Variants in CEP112 observed in about 807,000 individuals in gnomAD.
CEP112 encodes the protein centrosomal protein of 112 kDa.
In CEP112, 127 loss-of-function variants were observed where a neutral mutation model predicts 153.0. The ratio of observed to expected loss-of-function variants is 0.83; its 90% CI spans 0.72 to 0.96. The LOEUF is 0.96. CEP112 is among the 40% of genes least tolerant of loss of function. CEP112 has a pLI of 0.00. For synonymous variants in CEP112, 358 were observed against 374.4 expected (o/e 0.96, Z 0.51); for missense variants, 1,089 against 1,101.2 (o/e 0.99, Z 0.16).
intron 20 of CEP112, among the ~76,000 whole-genome samples, chr17:65,875,171 G>T (rs1367346113): frequency 6.6e-6 from 1 of 151,888 alleles, no homozygotes; most frequent in Non-Finnish European, 1.5e-5. Flanking sequence ...AAAAAAAATT[G>T]ATGATGAATT....
intron 21 of CEP112, among the ~76,000 whole-genome samples, chr17:65,795,608 T>TGC (rs1369003749): frequency 6.6e-6 from 1 of 151,986 alleles, no homozygotes; most frequent in Non-Finnish European, 1.5e-5. Context: ...GGTCAGGAGT[T>TGC]CAAGACCAGC....
intron 17 of CEP112, among the ~76,000 whole-genome samples, chr17:65,985,524 A>G (rs2063376530): frequency 6.6e-6 from 1 of 152,218 alleles, no homozygotes; most frequent in Non-Finnish European, 1.5e-5. Context: ...TATACACTCC[A>G]TGAACAAATG....
At chr17:66,084,261 CAAAAG>C (rs965160526) in intron 8 of CEP112, among the ~76,000 whole-genome samples, 9 of 151,926 alleles carry the variant, frequency 5.9e-5, no homozygotes, top group Non-Finnish European at 1.2e-4. Context: ...GGAGGTTCCT[CAAAAG>C]AAAATAAAAA....
Position 66,029,990 on chromosome 17 carries a change from G to A in CEP112, c.1252C>T (p.Gln418Ter), listed in dbSNP as rs770424214. Reference sequence around the variant, plus strand: ...TTCTCTGCTTCTCCAGTCAGCTGCTGGACACGGGCCTCCAGTTCTTTGATC... The same window carrying A: ...TTCTCTGCTTCTCCAGTCAGCTGCTAGACACGGGCCTCCAGTTCTTTGATC... Reference protein sequence around the residue: ...HMIKELEARVQQLTGEAENSN... With the variant: ...HMIKELEARV The change falls in exon 13 of 27, where the codon CAG (glutamine) becomes TAG (stop). Residue 418 changes from glutamine (Q) to a stop codon, truncating the protein, a stop_gained. Coordinates refer to ENST00000535342, the MANE Select transcript of CEP112 (RefSeq NM_001199165.4). LOFTEE classifies it high-confidence loss of function. 7 of 1,613,604 alleles carry A rather than the reference G, an allele frequency of 4.3e-6. No homozygotes were observed. The Middle Eastern group carries it at 5.0e-4, about 114-fold the overall frequency.
At chr17:66,005,009 C>T (rs577203285) in intron 17 of CEP112, among the ~76,000 whole-genome samples, 2 of 152,258 alleles carry the variant, frequency 1.3e-5, no homozygotes, top group East Asian at 1.9e-4. Context: ...TCCAACTAGA[C>T]TATATGGTTC....
chr17:66,068,732 A>T (rs2067208128), intron 9 of CEP112, among the ~76,000 whole-genome samples: 1 of 152,128 alleles, frequency 6.6e-6, no homozygotes, highest in Non-Finnish European at 1.5e-5. Flanking sequence ...ACTTTGAGTA[A>T]ATCTTTGTAA....
At chr17:66,069,893 A>T (rs548485382) in intron 9 of CEP112, 22 bp downstream of exon 9, 1 of 1,394,952 alleles carries the variant, frequency 7.2e-7, no homozygotes, top group Non-Finnish European at 1.0e-6. Context: ...AATATAATTA[A>T]AACACGAGAT....
Position 65,689,168 on chromosome 17 carries a change from C to A in CEP112, c.2658G>T (p.Glu886Asp). ...CCAATTCTTTGTGTTGTAATTTTTT[C>A]TCTGCACATCGCACCTGATTAGAAC... is the stretch of plus-strand genomic sequence containing the variant. ...ENRSNQVRCA[E>D]KKLQHKELES... The change falls in exon 24 of 27, where the codon GAG becomes GAT. Residue 886 changes from glutamate (E) to aspartate (D), a missense_variant. Glu to Asp is a conservative substitution (Grantham distance 45). Coordinates refer to ENST00000535342, the MANE Select transcript of CEP112 (RefSeq NM_001199165.4). The A allele has an allele frequency of 2.5e-6, 4 of 1,613,790 alleles. No homozygotes were observed. Among genetic ancestry groups the A allele is most frequent in the Non-Finnish European group, 3.4e-6 (4 of 1,179,714 alleles).
chr17:65,756,521 T>C lies in CEP112; in HGVS notation c.2395-5797A>G, dbSNP rs145000707. Among the ~76,000 whole-genome samples the C allele has an allele frequency of 1.8e-3, 262 of 148,934 alleles. 3 individuals are homozygous for C. The highest frequency in any genetic ancestry group is 6.4e-3 in the African/African-American group (258 of 40,248). On this transcript the variant is annotated intron_variant, in intron 21 of 26. Transcript: ENST00000535342. ...TGTGTCAAATGCTACAGAGAGGCCA[T>C]AGAAAGTGAGGCCTGAGAATTGATC...
chr17:65,697,379 G>C (rs953242234), intron 23 of CEP112, among the ~76,000 whole-genome samples: 1 of 152,038 alleles, frequency 6.6e-6, no homozygotes, highest in African/African-American at 2.4e-5. Flanking sequence ...TATTAACTGG[G>C]CTGATAATAT....
chr17:65,950,976 C>T lies in CEP112; in HGVS notation c.1872+10487G>A, dbSNP rs528095388. The stretch of plus-strand genomic sequence containing the variant: ...TGCTTGAATTTTTCAAATGCTTTTT[C>T]AGCCTTTATCAAGACAATCACGTGA... On this transcript the variant is annotated intron_variant, in intron 18 of 26. Transcript: ENST00000535342. 3.3e-5 allele frequency among the ~76,000 whole-genome samples: 5 copies of T among 152,156 alleles called. No homozygotes were observed. In the East Asian group the frequency reaches 9.6e-4, roughly 29 times the overall value.
At chr17:65,823,183 C>T (rs959299573) in intron 21 of CEP112, among the ~76,000 whole-genome samples, 1 of 151,944 alleles carries the variant, frequency 6.6e-6, no homozygotes. Flanking sequence ...GTGTAGAATT[C>T]ATTATGCTGA....
intron 19 of CEP112, among the ~76,000 whole-genome samples, chr17:65,910,406 A>T (rs1397328487): frequency 6.6e-6 from 1 of 152,186 alleles, no homozygotes; most frequent in Non-Finnish European, 1.5e-5. Flanking sequence ...AAACTAGAGA[A>T]ACATTAATTA....
intron 18 of CEP112, among the ~76,000 whole-genome samples, chr17:65,948,978 C>T (rs571117455): frequency 2.0e-5 from 3 of 151,958 alleles, no homozygotes; most frequent in Non-Finnish European, 2.9e-5. Context: ...AAGAGAAAAG[C>T]GGTTCAAAAC....
chr17:65,737,447 C>T (rs2050867557), intron 23 of CEP112, among the ~76,000 whole-genome samples: 1 of 152,088 alleles, frequency 6.6e-6, no homozygotes. Context: ...TTCTGGCTGA[C>T]AGTAGGGGAG....
chr17:66,099,674 A>G (rs1436872224), intron 6 of CEP112, among the ~76,000 whole-genome samples: 1 of 152,150 alleles, frequency 6.6e-6, no homozygotes, highest in East Asian at 1.9e-4. Context: ...ACTGGCTATT[A>G]CTTGTTCAGA....
At chr17:65,758,715 G>A (rs1289156406) in intron 21 of CEP112, among the ~76,000 whole-genome samples, 1 of 152,128 alleles carries the variant, frequency 6.6e-6, no homozygotes, top group Admixed American at 6.5e-5. Context: ...AATAGCATAA[G>A]TTTCTGAATA....
chr17:65,971,548 T>C (rs949999130), intron 17 of CEP112, among the ~76,000 whole-genome samples: 1 of 152,056 alleles, frequency 6.6e-6, no homozygotes, highest in African/African-American at 2.4e-5. Context: ...ATGTTGCATG[T>C]ATGTTACATG....
At chr17:65,934,929 C>G (rs376445718) in intron 18 of CEP112, among the ~76,000 whole-genome samples, 1 of 152,172 alleles carries the variant, frequency 6.6e-6, no homozygotes, top group Non-Finnish European at 1.5e-5. Flanking sequence ...CACAGGGCAA[C>G]AGGACAGAGT....
Sources: allele counts gnomAD v4.1 joint callset (sites outside exome capture counted in the v4.1 genomes callset), GRCh38; gene constraint gnomAD v4.1.1; transcripts MANE v1.5; gene names NCBI Gene and HGNC (gene_info 2026-07-23, HGNC 2026-07-21).